Variants in RARB observed in about 807,000 individuals in gnomAD.
RARB encodes the protein retinoic acid receptor beta.
In RARB, 17 loss-of-function variants were observed where a neutral mutation model predicts 51.9. The ratio of observed to expected loss-of-function variants is 0.33; its 90% CI spans 0.22 to 0.49. The LOEUF (loss-of-function observed/expected upper bound fraction) is 0.49. Among genes scored for constraint, RARB ranks in the 20% least tolerant of loss-of-function variants. RARB has a pLI of 0.99. For missense variants in RARB, 369 were observed against 550.8 expected, an observed-to-expected ratio of 0.67 and a Z score of 3.30; for synonymous variants, 215 against 195.4, an observed-to-expected ratio of 1.10 and a Z score of -0.84.
intron 4 of RARB, among the ~76,000 whole-genome samples, chr3:25,162,127 C>T (rs34112261): frequency 0.093 from 14,156 of 152,098 alleles, 875 homozygotes; most frequent in South Asian, 0.24. Context: ...TTTTTAGAGA[C>T]AGACTCTCCC....
intron 2 of RARB, among the ~76,000 whole-genome samples, chr3:24,869,013 C>G (rs888682603): frequency 6.6e-6 from 1 of 152,158 alleles, no homozygotes; most frequent in African/African-American, 2.4e-5. Flanking sequence ...CCTTTGGTGA[C>G]TCATGTTTGG....
At chr3:25,423,292 T>C (rs1006821416), upstream of RARB, among the ~76,000 whole-genome samples, 1 of 152,212 alleles carries the variant, frequency 6.6e-6, no homozygotes, top group Non-Finnish European at 1.5e-5. Context: ...CTAATAGTAC[T>C]AAAAAAGTAG....
At chr3:25,219,418 C>T (rs923166978) in intron 5 of RARB, among the ~76,000 whole-genome samples, 3 of 152,118 alleles carry the variant, frequency 2.0e-5, no homozygotes, top group African/African-American at 4.8e-5. Flanking sequence ...TGAGTTCCTG[C>T]GCTTGAACCA....
chr3:24,988,228 G>T (rs1432857349), intron 2 of RARB, among the ~76,000 whole-genome samples: 1 of 152,128 alleles, frequency 6.6e-6, no homozygotes, highest in Non-Finnish European at 1.5e-5. Context: ...GAATATACTT[G>T]TTGACCATTT....
Position 25,087,097 on chromosome 3 carries a change from T to C in RARB, c.-328+26921T>C, listed in dbSNP as rs142637726. 7.9e-5 allele frequency among the ~76,000 whole-genome samples: 12 copies of C among 152,264 alleles called. No individual in the cohort carries two copies. The East Asian group carries it at 2.3e-3, about 29-fold the overall frequency. ...TAATTCGATTTTTTTCAGGGCCTGC[T>C]ACCTCATTGGTATCTTATTGCTACA... On this transcript the variant is annotated intron_variant, in intron 3 of 11. Transcript: ENST00000383772.
chr3:25,358,704 A>G (rs1009155893), intron 5 of RARB, among the ~76,000 whole-genome samples: 1 of 152,120 alleles, frequency 6.6e-6, no homozygotes, highest in Non-Finnish European at 1.5e-5. Flanking sequence ...GTTGAATTTT[A>G]TTGAAGGCTT....
At chr3:25,096,392 A>T (rs189187914) in intron 3 of RARB, among the ~76,000 whole-genome samples, 80 of 152,308 alleles carry the variant, frequency 5.3e-4, no homozygotes, top group Admixed American at 9.8e-4. Flanking sequence ...AATTGTGGAG[A>T]GAGGGGAAGT....
At chr3:25,327,393 T>C (rs1704757187) in intron 5 of RARB, among the ~76,000 whole-genome samples, 1 of 152,118 alleles carries the variant, frequency 6.6e-6, no homozygotes, top group Non-Finnish European at 1.5e-5. Context: ...GGGGGAACAT[T>C]ATAATCAAAG....
In RARB at chr3:24,993,409, C is replaced by CT. The variant is rs201819959; in HGVS notation, c.-379-66708dup. ...TGGCTATGGTTTAAATTTTCAAAGTCTTTTTTTTAATTTACAAATAACAAT... is the reference window on the plus strand; with the variant it reads ...TGGCTATGGTTTAAATTTTCAAAGTCTTTTTTTTTAATTTACAAATAACAAT... On this transcript the variant is annotated intron_variant, in intron 2 of 11. Transcript: ENST00000383772. Among the ~76,000 whole-genome samples the CT allele has an allele frequency of 9.0e-3, 1,359 of 151,748 alleles. 18 individuals are homozygous for CT. Among genetic ancestry groups the CT allele is most frequent in the African/African-American group, 0.031 (1,268 of 41,394 alleles).
At chr3:25,037,896 A>C (rs1698030531) in intron 2 of RARB, among the ~76,000 whole-genome samples, 1 of 152,164 alleles carries the variant, frequency 6.6e-6, no homozygotes, top group South Asian at 2.1e-4. Flanking sequence ...AAGATGTGAA[A>C]GGGAGAAAGA....
chr3:24,952,538 C>T (rs902100734), intron 2 of RARB, among the ~76,000 whole-genome samples: 12 of 152,092 alleles, frequency 7.9e-5, no homozygotes, highest in African/African-American at 2.9e-4. Context: ...TTGTCTAGTT[C>T]GAATGGCCTC....
chr3:24,928,952 G>T (rs2125392130), intron 2 of RARB, among the ~76,000 whole-genome samples: 1 of 152,098 alleles, frequency 6.6e-6, no homozygotes, highest in African/African-American at 2.4e-5. Flanking sequence ...AAAAGAAAGA[G>T]AATATTCTCA....
intron 5 of RARB, among the ~76,000 whole-genome samples, chr3:25,283,485 C>T (rs975866649): frequency 1.3e-5 from 2 of 152,208 alleles, no homozygotes; most frequent in African/African-American, 4.8e-5. Context: ...ACCAGTGCCA[C>T]ATCAATCTGA....
intron 5 of RARB, among the ~76,000 whole-genome samples, chr3:25,322,462 G>A (rs148139017): frequency 1.6e-3 from 240 of 152,194 alleles, no homozygotes; most frequent in African/African-American, 5.7e-3. Flanking sequence ...TTTCTTACTG[G>A]CCAAGTACAT....
intron 5 of RARB, among the ~76,000 whole-genome samples, chr3:25,250,353 C>T (rs1653336180): frequency 1.3e-5 from 2 of 152,096 alleles, no homozygotes; most frequent in African/African-American, 4.8e-5. Context: ...AGGGTAATTC[C>T]CAGGACCCCA....
chr3:25,136,953 GA>G lies in RARB; in HGVS notation c.-280+4747del, dbSNP rs78866903. Reference sequence around the variant, plus strand: ...ACCGCACAGATTTGTTGGGAGCCCAGAATGGCCCATGATTTGAGTGCACCTA... The same window carrying G: ...ACCGCACAGATTTGTTGGGAGCCCAGATGGCCCATGATTTGAGTGCACCTA... On this transcript the variant is annotated intron_variant, in intron 4 of 11. Transcript: ENST00000383772. Among the ~76,000 whole-genome samples, 313 of 152,078 alleles carry G rather than the reference GA, an allele frequency of 2.1e-3. 7 individuals are homozygous for G. In the East Asian group the frequency reaches 0.052, roughly 25 times the overall value.
At chr3:24,930,270 T>C (rs1275935291) in intron 2 of RARB, among the ~76,000 whole-genome samples, 1 of 152,094 alleles carries the variant, frequency 6.6e-6, no homozygotes, top group Non-Finnish European at 1.5e-5. Context: ...AGGAGTCTTA[T>C]TCTTTTATGA....
chr3:25,306,069 A>G (rs17016159), intron 5 of RARB, among the ~76,000 whole-genome samples: 7,560 of 152,222 alleles, frequency 0.05, 487 homozygotes, highest in African/African-American at 0.15. Flanking sequence ...CCTCCGCTGT[A>G]TTATAAGTAG....
At chr3:25,477,124 C>A (rs7631324) in intron 2 of RARB, among the ~76,000 whole-genome samples, 9,097 of 152,208 alleles carry the variant, frequency 0.06, 881 homozygotes, top group African/African-American at 0.21. Context: ...TACTGTTGGC[C>A]AAGTATGTCC....
Sources: allele counts gnomAD v4.1 joint callset (sites outside exome capture counted in the v4.1 genomes callset), GRCh38; gene constraint gnomAD v4.1.1; transcripts MANE v1.5; gene names NCBI Gene and HGNC (gene_info 2026-07-23, HGNC 2026-07-21).